SEC14L1: variants seen among roughly 807,000 people sequenced by gnomAD.
SEC14L1 encodes the protein SEC14-like protein 1.
Under a neutral mutation model 85.3 loss-of-function variants are expected in SEC14L1, and 48 were observed. The ratio of observed to expected loss-of-function variants is 0.56; its 90% CI spans 0.45 to 0.72. SEC14L1 has a LOEUF of 0.72. SEC14L1 is among the 30% of genes least tolerant of loss of function. The probability of loss-of-function intolerance (pLI) is 0.00; values close to 1 mark genes in which losing one functional copy is unlikely to be tolerated. For synonymous variants in SEC14L1, 391 were observed against 355.5 expected, an observed-to-expected ratio of 1.10 and a Z score of -1.12; for missense variants, 682 against 921.4, an observed-to-expected ratio of 0.74 and a Z score of 3.36.
intron 3 of SEC14L1, among the ~76,000 whole-genome samples, chr17:77,159,929 G>A (rs869693): frequency 0.012 from 1,783 of 152,352 alleles, 50 homozygotes; most frequent in African/African-American, 0.041. Flanking sequence ...AGAGAAGATA[G>A]AGAATTCTGT....
intron 3 of SEC14L1, among the ~76,000 whole-genome samples, chr17:77,157,259 T>C (rs1025084766): frequency 2.0e-5 from 3 of 152,218 alleles, no homozygotes; most frequent in African/African-American, 7.2e-5. Flanking sequence ...TTTATGGCAT[T>C]AATATTTAGA....
chr17:77,130,665 G>A (rs1972585835), intron 3 of SEC14L1, among the ~76,000 whole-genome samples: 1 of 152,032 alleles, frequency 6.6e-6, no homozygotes, highest in South Asian at 2.1e-4. Context: ...TGTCACCCAG[G>A]CTGAAGTACA....
rs1389671368 is a variant in SEC14L1, at chr17:77,212,074, T to C, written c.1736T>C (p.Leu579Pro). 1 of 1,614,154 alleles carries C rather than the reference T, an allele frequency of 6.2e-7. No homozygotes were observed. The highest frequency in any genetic ancestry group is 8.5e-7 in the Non-Finnish European group (1 of 1,180,038). ...CCACAACCACCCAAAAAGGACTCCC[T>C]GGGAGCCCACAGCATCACCTCTCCG... ...RSPQPPKKDS[L>P]GAHSITSPGG... Residue 579 changes from leucine (L) to proline (P), a missense_variant, in exon 15 of 17, where the codon CTG becomes CCG. By Grantham distance (98) the Leu-to-Pro change is moderately conservative. Coordinates refer to ENST00000436233, the MANE Select transcript of SEC14L1 (RefSeq NM_001143998.2).
At chr17:77,126,409 G>C (rs1304640487) in intron 3 of SEC14L1, among the ~76,000 whole-genome samples, 1 of 152,230 alleles carries the variant, frequency 6.6e-6, no homozygotes. Flanking sequence ...TCAATAGGGT[G>C]CTGAATTTAG....
intron 3 of SEC14L1, chr17:77,144,612 T>G (rs1273415490): frequency 2.0e-5 from 3 of 151,748 alleles, no homozygotes; most frequent in Non-Finnish European, 4.4e-5. Context: ...GTTTTAAAAT[T>G]TATTTTATTT....
intron 3 of SEC14L1, among the ~76,000 whole-genome samples, chr17:77,104,644 A>T (rs993576190): frequency 2.7e-5 from 4 of 150,874 alleles, no homozygotes; most frequent in Admixed American, 6.6e-5. Flanking sequence ...TACAAAAATT[A>T]GCTGGGCCTG....
chr17:77,141,320 C>CCGCCCCT (rs1231035356), intron 1 of SEC14L1: 1 of 127,064 alleles, frequency 7.9e-6, no homozygotes, highest in Non-Finnish European at 1.7e-5. Flanking sequence ...TCGCCCCTCG[C>CCGCCCCT]CGCCCCTCGC....
At chr17:77,129,670 G>A (rs924638618) in intron 3 of SEC14L1, among the ~76,000 whole-genome samples, 3 of 152,280 alleles carry the variant, frequency 2.0e-5, no homozygotes, top group African/African-American at 4.8e-5. Flanking sequence ...AGTTCTGCCC[G>A]CAGAGCTGAA....
Position 77,216,788 on chromosome 17 carries a change from C to G in SEC14L1, c.*2765C>G. On this transcript the variant is annotated 3_prime_UTR_variant, in exon 17 of 17. Coordinates refer to ENST00000436233, the MANE Select transcript of SEC14L1 (RefSeq NM_001143998.2). ...CTTACAGGGTTTCCTCCCGAGTAAT[C>G]CAATCTCACTCCCCTTGTAAGGGAA... 1 of 693,990 alleles carries G rather than the reference C, an allele frequency of 1.4e-6. No individual in the cohort carries two copies. The highest frequency in any genetic ancestry group is 2.3e-6 in the Non-Finnish European group (1 of 433,998). 43.0% of individuals were successfully genotyped at this position (693,990 alleles called of 1,614,324 possible).
At chr17:77,160,224 CT>C (rs2143626683) in intron 3 of SEC14L1, among the ~76,000 whole-genome samples, 1 of 152,334 alleles carries the variant, frequency 6.6e-6, no homozygotes, top group South Asian at 2.1e-4. Context: ...CACATGGCAT[CT>C]TTAAAAGCTG....
intron 3 of SEC14L1, among the ~76,000 whole-genome samples, chr17:77,147,242 T>C (rs1973354150): frequency 6.6e-6 from 1 of 152,204 alleles, no homozygotes. Context: ...TTACTTGTAA[T>C]TTAGTATTGC....
chr17:77,116,849 C>G (rs919829204), intron 3 of SEC14L1, among the ~76,000 whole-genome samples: 1 of 152,162 alleles, frequency 6.6e-6, no homozygotes, highest in Non-Finnish European at 1.5e-5. Context: ...CTGTAGAAGT[C>G]CCCTGTCTCA....
At chr17:77,156,831 C>G (rs1377749307) in intron 3 of SEC14L1, among the ~76,000 whole-genome samples, 1 of 152,114 alleles carries the variant, frequency 6.6e-6, no homozygotes, top group East Asian at 1.9e-4. Flanking sequence ...TGAACTGAAG[C>G]TTATAATCCC....
chr17:77,135,166 G>A (rs1972754700), intron 3 of SEC14L1, among the ~76,000 whole-genome samples: 2 of 152,154 alleles, frequency 1.3e-5, no homozygotes, highest in Admixed American at 1.3e-4. Flanking sequence ...GGGGAGCAGG[G>A]CATCACTTCT....
chr17:77,150,888 G>A (rs537211043), intron 3 of SEC14L1, among the ~76,000 whole-genome samples: 6 of 152,234 alleles, frequency 3.9e-5, no homozygotes, highest in African/African-American at 7.2e-5. Context: ...TCCTGTGCAC[G>A]TCAGATTTTC....
At chr17:77,203,684 G>C (rs1322592408) in intron 10 of SEC14L1, 26 bp downstream of exon 10, 1 of 1,583,926 alleles carries the variant, frequency 6.3e-7, no homozygotes, top group East Asian at 2.3e-5. Context: ...CGAGACTCCA[G>C]GTGCCACTGT....
At position 77,193,550 on chromosome 17, in the gene SEC14L1, G is replaced by A; in HGVS notation, c.474+1G>A. The A allele has an allele frequency of 6.2e-7, 1 of 1,606,322 alleles. No individual in the cohort carries two copies. The highest frequency in any genetic ancestry group is 8.5e-7 in the Non-Finnish European group (1 of 1,174,418). ...ACAATATACCAGCAACATTAAAAAA[G>A]TGAGTGTATCTTGGGATTTTGTGGC... On this transcript the variant is annotated splice_donor_variant, in intron 6 of 16. Transcript: ENST00000436233. LOFTEE classifies it high-confidence loss of function.
rs138973491 is a variant in SEC14L1, at chr17:77,215,348, A to T, written c.*1325A>T. ...ATGGCCTCCACGATAAGGACATGCA[A>T]CACGTGTTTCTGTGTGCAGCAGAGG... On this transcript the variant is annotated 3_prime_UTR_variant, in exon 17 of 17. Coordinates refer to ENST00000436233, the MANE Select transcript of SEC14L1 (RefSeq NM_001143998.2). 1 of 985,298 alleles carries T rather than the reference A, an allele frequency of 1.0e-6. No homozygotes were observed. The highest frequency in any genetic ancestry group is 1.7e-5 in the African/African-American group (1 of 57,188). The allele number at this position is 985,298 out of a possible 1,614,324, so 61.0% of individuals were successfully genotyped here.
In SEC14L1 at chr17:77,212,018, T is replaced by C. The variant is rs773242705; in HGVS notation, c.1680T>C (p.Ile560=). The C allele has an allele frequency of 3.1e-6, 5 of 1,614,102 alleles. No individual in the cohort carries two copies. The South Asian group carries it at 4.4e-5, about 14-fold the overall frequency. The change falls in exon 15 of 17, where the codon ATT becomes ATC. Residue 560 remains isoleucine (I), a synonymous_variant. Transcript: ENST00000436233. ...TWDFDVCKGD[I]VFNIYHSKRS... ...ATTTCGACGTGTGCAAAGGGGACAT[T>C]GTGTTTAACATCTATCACTCCAAGA...
Sources: allele counts gnomAD v4.1 joint callset (sites outside exome capture counted in the v4.1 genomes callset), GRCh38; gene constraint gnomAD v4.1.1; transcripts MANE v1.5; gene names NCBI Gene and HGNC (gene_info 2026-07-23, HGNC 2026-07-21).